The following PCDH11X variants were observed in gnomAD, a reference collection of about 807,000 sequenced individuals.
PCDH11X encodes protocadherin-11 X-linked.
PCDH11X carries 18 observed loss-of-function variants against 53.3 expected under a neutral mutation model. The ratio of observed to expected loss-of-function variants is 0.34; its 90% CI spans 0.23 to 0.50. PCDH11X has a LOEUF of 0.50. Ranked by LOEUF, PCDH11X falls within the 20% of genes least tolerant of loss-of-function variation. The pLI is 0.98. For synonymous variants in PCDH11X, 279 were observed against 393.3 expected, an observed-to-expected ratio of 0.71 and a Z score of 3.44; for missense variants, 570 against 1,032.4, an observed-to-expected ratio of 0.55 and a Z score of 6.14.
intron 6 of PCDH11X, among the ~76,000 whole-genome samples, chrX:92,049,764 G>A (rs1030820836): frequency 3.6e-5 from 4 of 110,803 alleles, no homozygotes; most frequent in African/African-American, 9.9e-5. Context: ...GATTGTCAGC[G>A]TGGTTTTTTG....
At chrX:92,378,915 G>C (rs1603294588) in intron 8 of PCDH11X, among the ~76,000 whole-genome samples, 1 of 113,154 alleles carries the variant, frequency 8.8e-6, no homozygotes, top group African/African-American at 3.2e-5. Context: ...AGACCATGTG[G>C]CTTAAATAAT....
chrX:92,304,544 T>C (rs2068786437), intron 8 of PCDH11X, among the ~76,000 whole-genome samples: 1 of 111,720 alleles, frequency 9.0e-6, no homozygotes, highest in African/African-American at 3.2e-5. Flanking sequence ...AAATAGACAA[T>C]ATTGTATAAG....
intron 10 of PCDH11X, among the ~76,000 whole-genome samples, chrX:92,536,378 T>C (rs1417380257): frequency 1.8e-5 from 2 of 111,421 alleles, no homozygotes; most frequent in African/African-American, 6.5e-5. Flanking sequence ...CTACCCATAT[T>C]TTAAATTCTA....
At chrX:92,610,980 G>C (rs1417829190) in intron 10 of PCDH11X, among the ~76,000 whole-genome samples, 1 of 111,476 alleles carries the variant, frequency 9.0e-6, no homozygotes, top group African/African-American at 3.3e-5. Context: ...TCAGTCCTGT[G>C]CTCTTTTTAT....
intron 4 of PCDH11X, among the ~76,000 whole-genome samples, chrX:91,822,475 G>A (rs1936727397): frequency 9.0e-6 from 1 of 111,347 alleles, no homozygotes; most frequent in Non-Finnish European, 1.9e-5. Context: ...GGTGTTTATA[G>A]TATTCTCTGA....
At chrX:92,456,203 G>T (rs1332206898) in intron 9 of PCDH11X, among the ~76,000 whole-genome samples, 1 of 111,584 alleles carries the variant, frequency 9.0e-6, no homozygotes, top group Non-Finnish European at 1.9e-5. Context: ...TTCGAGGAAT[G>T]GATAGGACTG....
chrX:92,613,545 TTGTGTGTGTGTGTGTG>T (rs201132708), intron 10 of PCDH11X, among the ~76,000 whole-genome samples: 1 of 65,539 alleles, frequency 1.5e-5, no homozygotes, highest in African/African-American at 5.7e-5. Context: ...GTTGTTGTTG[TTGTGTGTGTGTGTGTG>T]TGTGTGTGTG....
intron 6 of PCDH11X, among the ~76,000 whole-genome samples, chrX:91,965,121 A>G (rs1172463295): frequency 9.0e-6 from 1 of 111,547 alleles, no homozygotes; most frequent in South Asian, 3.8e-4. Flanking sequence ...GGATAAACTT[A>G]AAGTTATTGG....
At position 92,620,553 on chromosome X, in the gene PCDH11X, T is replaced by G. The variant is rs1928410336; in HGVS notation, c.*1613T>G. The G allele has an allele frequency of 9.0e-6, 1 of 111,101 alleles. No homozygotes were observed. The highest frequency in any genetic ancestry group is 9.7e-5 in the Admixed American group (1 of 10,329). The allele number at this position is 111,101 out of a possible 1,213,427, so 9.2% of individuals were successfully genotyped here. A position where few individuals can be genotyped will look rare whatever the true frequency, so the allele number is the denominator to read the frequency against. On this transcript the variant is annotated 3_prime_UTR_variant, in exon 11 of 11. Coordinates refer to ENST00000682573, the MANE Select transcript of PCDH11X (RefSeq NM_032968.5). ...ATTTTGTAATGTATAACTTGATATT[T>G]AATTTATGATTAAACTGTGTGTAAA...
intron 8 of PCDH11X, among the ~76,000 whole-genome samples, chrX:92,322,117 T>A (rs1404311095): frequency 1.2e-4 from 13 of 110,259 alleles, no homozygotes; most frequent in Admixed American, 9.8e-5. Flanking sequence ...TTTTAGGAAT[T>A]TGATCTTACA....
intron 6 of PCDH11X, among the ~76,000 whole-genome samples, chrX:92,071,070 G>T (rs1201033788): frequency 1.8e-5 from 2 of 109,149 alleles, no homozygotes; most frequent in African/African-American, 6.8e-5. Flanking sequence ...CTCCCAAAGT[G>T]CTGGGATTAC....
chrX:91,918,325 T>C (rs1490190498), intron 6 of PCDH11X, among the ~76,000 whole-genome samples: 1 of 108,923 alleles, frequency 9.2e-6, no homozygotes, highest in Non-Finnish European at 1.9e-5. Flanking sequence ...CTGTGTTGTT[T>C]TCATCTTGAG....
intron 1 of PCDH11X, among the ~76,000 whole-genome samples, chrX:91,787,228 G>A (rs777970819): frequency 1.1e-3 from 119 of 108,365 alleles, no homozygotes; most frequent in African/African-American, 3.8e-3. Context: ...TAGAACACCT[G>A]TATTTTTACA....
chrX:91,948,601 A>AAG (rs1260651062), intron 6 of PCDH11X, among the ~76,000 whole-genome samples: 1 of 110,251 alleles, frequency 9.1e-6, no homozygotes. Flanking sequence ...ATAACTGTTA[A>AAG]AGAAAAGCAT....
intron 8 of PCDH11X, among the ~76,000 whole-genome samples, chrX:92,295,809 G>A (rs2068596358): frequency 9.5e-6 from 1 of 105,103 alleles, no homozygotes; most frequent in Non-Finnish European, 2.0e-5. Context: ...GTTGGGCACC[G>A]TGGCTCATGC....
At chrX:92,515,775 T>C (rs1034839951) in intron 10 of PCDH11X, among the ~76,000 whole-genome samples, 18 of 110,750 alleles carry the variant, frequency 1.6e-4, no homozygotes, top group African/African-American at 5.3e-4. Flanking sequence ...GCAATGACAA[T>C]TTTTTTCTGT....
chrX:91,856,813 T>G (rs1271808747), intron 5 of PCDH11X, among the ~76,000 whole-genome samples: 1 of 111,909 alleles, frequency 8.9e-6, no homozygotes, highest in African/African-American at 3.3e-5. Flanking sequence ...AGTATTCCAT[T>G]GTGTATATGT....
At chrX:92,022,679 C>T (rs1260666648) in intron 6 of PCDH11X, among the ~76,000 whole-genome samples, 2 of 109,996 alleles carry the variant, frequency 1.8e-5, no homozygotes, top group Non-Finnish European at 3.8e-5. Flanking sequence ...ATTGAGTGGA[C>T]ATCTACAGAA....
At chrX:92,009,377 A>C (rs2062651844) in intron 6 of PCDH11X, among the ~76,000 whole-genome samples, 1 of 111,652 alleles carries the variant, frequency 9.0e-6, no homozygotes, top group Admixed American at 9.6e-5. Context: ...AAGCTTAAAT[A>C]TATTAATCAG....
Sources: allele counts gnomAD v4.1 joint callset (sites outside exome capture counted in the v4.1 genomes callset), GRCh38; gene constraint gnomAD v4.1.1; transcripts MANE v1.5; gene names NCBI Gene and HGNC (gene_info 2026-07-23, HGNC 2026-07-21).